Variants in LRRC34 observed in about 807,000 individuals in gnomAD.
LRRC34 encodes the protein leucine-rich repeat-containing protein 34.
A neutral mutation model predicts 48.5 loss-of-function variants in LRRC34; 44 were observed. That is an observed-to-expected ratio of 0.91 (90% confidence interval 0.71 to 1.17). The LOEUF is 1.17. Ranked by LOEUF, LRRC34 falls within the 50% of genes most tolerant of loss-of-function variation. The pLI is 0.00. For missense variants in LRRC34, 502 were observed against 563.0 expected (o/e 0.89, Z 1.10); for synonymous variants, 192 against 197.6 (o/e 0.97, Z 0.24).
intron 5 of LRRC34, among the ~76,000 whole-genome samples, chr3:169,804,934 C>T (rs552836501): frequency 8.5e-5 from 13 of 152,292 alleles, no homozygotes; most frequent in Non-Finnish European, 1.9e-4. Context: ...CGGTCCTATA[C>T]CATTAACCAG....
intron 6 of LRRC34, among the ~76,000 whole-genome samples, chr3:169,802,851 C>T (rs1323273250): frequency 6.6e-6 from 1 of 152,032 alleles, no homozygotes; most frequent in Non-Finnish European, 1.5e-5. Context: ...GTGGCAGGCA[C>T]CTGTAATCCC....
intron 5 of LRRC34, among the ~76,000 whole-genome samples, chr3:169,804,964 T>A (rs1177084550): frequency 2.0e-5 from 3 of 152,226 alleles, no homozygotes; most frequent in Non-Finnish European, 4.4e-5. Flanking sequence ...ATTCCTCCTA[T>A]ATCACTTTTA....
intron 7 of LRRC34, among the ~76,000 whole-genome samples, chr3:169,797,386 GTGATATATC>G (rs1307293625): frequency 6.6e-6 from 1 of 152,044 alleles, no homozygotes; most frequent in Non-Finnish European, 1.5e-5. Flanking sequence ...CATTAACCCT[GTGATATATC>G]TGATCCTTCC....
chr3:169,797,017 T>C (rs1779016043), intron 7 of LRRC34, 118 bp from the exon 8 acceptor site: 1 of 717,476 alleles, frequency 1.4e-6, no homozygotes, highest in Admixed American at 4.1e-5. Flanking sequence ...TTAAAACTGT[T>C]AGTCCACAAT....
chr3:169,796,026 T>A, intron 9 of LRRC34, 188 bp downstream of exon 9: 1 of 1,268,734 alleles, frequency 7.9e-7, no homozygotes, highest in Non-Finnish European at 1.0e-6. Context: ...GTTAATAGAA[T>A]CAGTCTAATT....
rs1576746874 is a variant in LRRC34, at chr3:169,807,585, T to C, written c.379+3A>G. Reference sequence around the variant, plus strand: ...GGAGGTATTGATTCTTATGGAAACATACCATTAATATACAGACAATTCTTT... The same window carrying C: ...GGAGGTATTGATTCTTATGGAAACACACCATTAATATACAGACAATTCTTT... On this transcript the variant is annotated splice_donor_region_variant and intron_variant, in intron 3 of 10. Coordinates refer to ENST00000446859, the MANE Select transcript of LRRC34 (RefSeq NM_001172779.2). 1 of 1,612,568 alleles carries C rather than the reference T, an allele frequency of 6.2e-7. No individual in the cohort carries two copies. The highest frequency in any genetic ancestry group is 8.5e-7 in the Non-Finnish European group (1 of 1,179,220).
Position 169,796,270 on chromosome 3 carries a change from A to G in LRRC34, c.1008T>C (p.Asn336=), listed in dbSNP as rs1367215236. Residue 336 remains asparagine (N), a synonymous_variant, in exon 9 of 11, where the codon AAT becomes AAC. Transcript: ENST00000446859. ...TTTCACTGAGATAGTTTGCGCCTGC[A>G]TTTTCTATTCTGTTAAAGGAAAGAT... ...VIDLSFNRIE[N]AGANYLSETL... The G allele has an allele frequency of 1.9e-6, 3 of 1,612,574 alleles. No individual in the cohort carries two copies. Among genetic ancestry groups the G allele is most frequent in the South Asian group, 2.2e-5 (2 of 90,928 alleles).
Position 169,804,090 on chromosome 3 carries a change from G to T in LRRC34, c.620C>A (p.Ser207Ter), listed in dbSNP as rs749763692. 13 of 1,599,892 alleles carry T rather than the reference G, an allele frequency of 8.1e-6. No individual in the cohort carries two copies. In the South Asian group the frequency reaches 1.1e-4, roughly 14 times the overall value. ...ACCCAGATCTAATTTCTCTAATGAT[G>T]AATTAATTTGCAGCATTGCAGCAAA... ...MFFAAMLQIN[S>*]SLEKLDLGDC... Residue 207 changes from serine to a stop codon, truncating the protein, a stop_gained, in exon 6 of 11, where the codon TCA becomes TAA. Coordinates refer to ENST00000446859, the MANE Select transcript of LRRC34 (RefSeq NM_001172779.2). LOFTEE classifies it high-confidence loss of function.
intron 9 of LRRC34, chr3:169,795,901 T>C (rs1398292657): frequency 8.6e-7 from 1 of 1,161,090 alleles, no homozygotes; most frequent in Non-Finnish European, 1.1e-6. Flanking sequence ...TTTTATTCTT[T>C]AGTTCATTCT....
At position 169,812,716 on chromosome 3, in the gene LRRC34, G is replaced by C. The variant is rs1305096957; in HGVS notation, c.-168C>G. 4.8e-6 allele frequency: 5 copies of C among 1,040,914 alleles called. No homozygotes were observed. Among genetic ancestry groups the C allele is most frequent in the Non-Finnish European group, 3.9e-6 (3 of 774,152 alleles). 64.5% of individuals were successfully genotyped at this position (1,040,914 alleles called of 1,614,324 possible). Reference sequence around the variant, plus strand: ...GGAGGTCCTTTGTCACCCTGCCCTGGTTAAAGGCAGCCTGAGGGAGGGCGT... The same window carrying C: ...GGAGGTCCTTTGTCACCCTGCCCTGCTTAAAGGCAGCCTGAGGGAGGGCGT... On this transcript the variant is annotated 5_prime_UTR_variant, in exon 1 of 11. Transcript: ENST00000446859. This position sits in a 1 kb window ranked among gnomAD's most constrained non-coding sequence, Gnocchi z 4.3.
chr3:169,808,849 A>G (rs1779470940), intron 1 of LRRC34, 104 bp from the exon 2 acceptor site: 1 of 646,974 alleles, frequency 1.5e-6, no homozygotes, highest in Admixed American at 3.2e-5. Flanking sequence ...ATGTGTGTAT[A>G]GTGGGGGTAG....
Position 169,806,303 on chromosome 3 carries a change from A to G in LRRC34, c.528+545T>C, listed in dbSNP as rs528351937. 8.7e-4 allele frequency among the ~76,000 whole-genome samples: 133 copies of G among 152,298 alleles called. 2 individuals are homozygous for G. In the South Asian group the frequency reaches 0.027, roughly 31 times the overall value. ...AAAATGGATCAAAGAAAGAGCTAAA[A>G]CTGTAAAACTCTTAAAAAAACATAA... On this transcript the variant is annotated intron_variant, in intron 5 of 10. Transcript: ENST00000446859.
At chr3:169,805,884 C>CAAA (rs372353857) in intron 5 of LRRC34, among the ~76,000 whole-genome samples, 1 of 54,806 alleles carries the variant, frequency 1.8e-5, no homozygotes, top group African/African-American at 4.9e-5. Flanking sequence ...AACTCCATCT[C>CAAA]AAAAAAAAAA....
chr3:169,794,098 C>T, intron 10 of LRRC34: 1 of 286,112 alleles, frequency 3.5e-6, no homozygotes, highest in Non-Finnish European at 6.5e-6. Flanking sequence ...CATTTTGTGA[C>T]TCCTAGAGTT....
intron 7 of LRRC34, among the ~76,000 whole-genome samples, chr3:169,799,881 T>A (rs1779130690): frequency 6.6e-6 from 1 of 151,962 alleles, no homozygotes; most frequent in Admixed American, 6.5e-5. Context: ...CCTGGCTAAT[T>A]TTTGTACTTT....
intron 9 of LRRC34, 91 bp from the exon 10 acceptor site, chr3:169,795,702 G>A (rs1286381809): frequency 1.6e-5 from 24 of 1,479,892 alleles, no homozygotes; most frequent in Non-Finnish European, 1.4e-5. Context: ...TTATTCTTCA[G>A]TATGTTGTAA....
At chr3:169,798,615 G>A (rs967589989) in intron 7 of LRRC34, among the ~76,000 whole-genome samples, 3 of 152,146 alleles carry the variant, frequency 2.0e-5, no homozygotes, top group Non-Finnish European at 2.9e-5. Flanking sequence ...CAACAAGGGG[G>A]CCTGGGCTTT....
intron 10 of LRRC34, chr3:169,794,714 T>G (rs549856375): frequency 6.6e-6 from 1 of 152,372 alleles, no homozygotes; most frequent in Non-Finnish European, 1.5e-5. Context: ...ATCCTTAGTA[T>G]CTATGTAACA....
At chr3:169,798,269 T>C (rs146093978) in intron 7 of LRRC34, among the ~76,000 whole-genome samples, 2 of 152,346 alleles carry the variant, frequency 1.3e-5, no homozygotes, top group Non-Finnish European at 2.9e-5. Context: ...GGAGGAACTA[T>C]TGTCAGAAAT....
Sources: allele counts gnomAD v4.1 joint callset (sites outside exome capture counted in the v4.1 genomes callset), GRCh38; gene constraint gnomAD v4.1.1; non-coding constraint Gnocchi (gnomAD v3.1); transcripts MANE v1.5; gene names NCBI Gene and HGNC (gene_info 2026-07-23, HGNC 2026-07-21).